The following KCNH7 variants were observed in gnomAD, a reference collection of about 807,000 sequenced individuals.
KCNH7 encodes voltage-gated inwardly rectifying potassium channel KCNH7.
A neutral mutation model predicts 120.8 loss-of-function variants in KCNH7; 49 were observed. The observed-to-expected ratio is 0.41, with a 90% CI of 0.32 to 0.51. KCNH7 has a LOEUF of 0.51. Ranked by LOEUF, KCNH7 falls within the 20% of genes least tolerant of loss-of-function variation. KCNH7 has a pLI of 0.38. For synonymous variants in KCNH7, 547 were observed against 516.1 expected, an observed-to-expected ratio of 1.06 and a Z score of -0.81; for missense variants, 1,097 against 1,446.6, an observed-to-expected ratio of 0.76 and a Z score of 3.92.
intron 2 of KCNH7, among the ~76,000 whole-genome samples, chr2:162,559,011 C>A (rs1321158809): frequency 1.5e-5 from 2 of 134,242 alleles, no homozygotes; most frequent in African/African-American, 5.8e-5. Flanking sequence ...GCCAAGATTG[C>A]GTCACTGCAG....
chr2:162,426,295 AG>A (rs2105498339), intron 8 of KCNH7, among the ~76,000 whole-genome samples: 1 of 152,190 alleles, frequency 6.6e-6, no homozygotes, highest in South Asian at 2.1e-4. Context: ...ATTATCATAA[AG>A]ACATTAATCT....
intron 2 of KCNH7, among the ~76,000 whole-genome samples, chr2:162,615,706 A>C (rs548361232): frequency 5.9e-5 from 9 of 152,146 alleles, no homozygotes; most frequent in African/African-American, 1.7e-4. Context: ...ATTTATTGTT[A>C]AGGTGGTAAA....
At chr2:162,525,388 G>A (rs1477737448) in intron 3 of KCNH7, among the ~76,000 whole-genome samples, 2 of 151,860 alleles carry the variant, frequency 1.3e-5, no homozygotes, top group Non-Finnish European at 2.9e-5. Flanking sequence ...TGATCTGGCT[G>A]GGTCATCACA....
chr2:162,644,865 C>T (rs925794323), intron 2 of KCNH7, among the ~76,000 whole-genome samples: 6 of 152,136 alleles, frequency 3.9e-5, no homozygotes, highest in South Asian at 2.1e-4. Flanking sequence ...CATTAAATCA[C>T]TAACACTGCA....
At chr2:162,633,103 A>C (rs2105220899) in intron 2 of KCNH7, among the ~76,000 whole-genome samples, 1 of 152,042 alleles carries the variant, frequency 6.6e-6, no homozygotes, top group South Asian at 2.1e-4. Context: ...ACAATTCATA[A>C]AGCTATATAA....
chr2:162,651,566 G>A lies in KCNH7; in HGVS notation c.308-114486C>T, dbSNP rs567396117. On this transcript the variant is annotated intron_variant, in intron 2 of 15. Coordinates refer to ENST00000332142, the MANE Select transcript of KCNH7 (RefSeq NM_033272.4). Reference sequence around the variant, plus strand: ...TTTAATGGCTGAATAGTATTCCATGGTGTATATGTTCTACATTTTCTTTAT... The same window carrying A: ...TTTAATGGCTGAATAGTATTCCATGATGTATATGTTCTACATTTTCTTTAT... Among the ~76,000 whole-genome samples, 26 of 152,198 alleles carry A rather than the reference G, an allele frequency of 1.7e-4. No individual in the cohort carries two copies. In the East Asian group the frequency reaches 4.8e-3, roughly 28 times the overall value.
At chr2:162,699,233 C>T (rs972618204) in intron 2 of KCNH7, among the ~76,000 whole-genome samples, 2 of 152,020 alleles carry the variant, frequency 1.3e-5, no homozygotes, top group Admixed American at 6.6e-5. Context: ...CCAATTATTC[C>T]AACTGCAATC....
chr2:162,609,930 T>C (rs1682907457), intron 2 of KCNH7, among the ~76,000 whole-genome samples: 1 of 152,126 alleles, frequency 6.6e-6, no homozygotes, highest in Non-Finnish European at 1.5e-5. Flanking sequence ...AAATTAAGTC[T>C]AATTTAGGCC....
At chr2:162,577,344 C>CTATCTATCTAT (rs1559025375) in intron 2 of KCNH7, among the ~76,000 whole-genome samples, 2 of 121,076 alleles carry the variant, frequency 1.7e-5, no homozygotes, top group African/African-American at 6.7e-5. Context: ...TATCATCTAT[C>CTATCTATCTAT]CATCCTATCT....
At chr2:162,411,978 TCAAACTA>T in intron 9 of KCNH7, among the ~76,000 whole-genome samples, 1 of 151,836 alleles carries the variant, frequency 6.6e-6, no homozygotes, top group African/African-American at 2.4e-5. Context: ...CCAAATTAAA[TCAAACTA>T]CAAAGTACTA....
chr2:162,475,885 G>T (rs1388400239), intron 6 of KCNH7, among the ~76,000 whole-genome samples: 1 of 152,168 alleles, frequency 6.6e-6, no homozygotes, highest in Admixed American at 6.5e-5. Context: ...TTTCCCATGG[G>T]GGACAAAGAG....
At chr2:162,661,134 A>G (rs1337079630) in intron 2 of KCNH7, among the ~76,000 whole-genome samples, 1 of 152,222 alleles carries the variant, frequency 6.6e-6, no homozygotes, top group Non-Finnish European at 1.5e-5. Context: ...CAATATTACG[A>G]TTCCAGTGCC....
At chr2:162,458,867 G>A (rs757521458) in intron 6 of KCNH7, among the ~76,000 whole-genome samples, 2 of 151,866 alleles carry the variant, frequency 1.3e-5, no homozygotes, top group South Asian at 2.1e-4. Flanking sequence ...TTAGTTGGGC[G>A]TGATGGCATG....
intron 6 of KCNH7, among the ~76,000 whole-genome samples, chr2:162,450,074 C>T (rs1012964936): frequency 1.3e-5 from 2 of 152,022 alleles, no homozygotes; most frequent in Non-Finnish European, 2.9e-5. Context: ...GTATTACCAA[C>T]TTCAAAGATT....
intron 2 of KCNH7, among the ~76,000 whole-genome samples, chr2:162,821,609 G>C (rs1388813559): frequency 1.3e-5 from 2 of 152,146 alleles, no homozygotes; most frequent in African/African-American, 4.8e-5. Context: ...TATCCAGTTT[G>C]CCTGGAACAG....
intron 9 of KCNH7, among the ~76,000 whole-genome samples, chr2:162,400,649 T>A (rs1310237891): frequency 2.0e-5 from 3 of 151,932 alleles, no homozygotes; most frequent in East Asian, 1.9e-4. Flanking sequence ...CTGAATTAAC[T>A]GCAGGCATTC....
chr2:162,688,136 T>C (rs1685963056), intron 2 of KCNH7, among the ~76,000 whole-genome samples: 1 of 152,188 alleles, frequency 6.6e-6, no homozygotes, highest in African/African-American at 2.4e-5. Flanking sequence ...CTCCATTTAG[T>C]CAATTTACAG....
chr2:162,635,102 A>G (rs1483487614), intron 2 of KCNH7, among the ~76,000 whole-genome samples: 1 of 152,104 alleles, frequency 6.6e-6, no homozygotes, highest in Non-Finnish European at 1.5e-5. Flanking sequence ...TGGACAGTGT[A>G]AAAAAGTTTT....
At chr2:162,475,888 A>T (rs573136889) in intron 6 of KCNH7, among the ~76,000 whole-genome samples, 4 of 152,288 alleles carry the variant, frequency 2.6e-5, no homozygotes, top group East Asian at 3.9e-4. Context: ...CCCATGGGGG[A>T]CAAAGAGCCA....
Sources: allele counts gnomAD v4.1 joint callset (sites outside exome capture counted in the v4.1 genomes callset), GRCh38; gene constraint gnomAD v4.1.1; transcripts MANE v1.5; gene names NCBI Gene and HGNC (gene_info 2026-07-23, HGNC 2026-07-21).